Variants in HHIP observed in about 807,000 individuals in gnomAD.
HHIP encodes hedgehog-interacting protein.
Under a neutral mutation model 74.0 loss-of-function variants are expected in HHIP, and 12 were observed. That is an observed-to-expected ratio of 0.16 (90% confidence interval 0.10 to 0.26). The LOEUF is 0.26. Ranked by LOEUF, HHIP falls within the 10% of genes least tolerant of loss-of-function variation. The probability of loss-of-function intolerance (pLI) is 1.00; values close to 1 mark genes in which losing one functional copy is unlikely to be tolerated. For synonymous variants in HHIP, 309 were observed against 311.6 expected, an observed-to-expected ratio of 0.99 and a Z score of 0.09; for missense variants, 788 against 845.0, an observed-to-expected ratio of 0.93 and a Z score of 0.84.
chr4:144,739,258 C>T lies in HHIP; in HGVS notation c.*1301C>T, dbSNP rs1731206193. The T allele has an allele frequency of 6.6e-6, 1 of 152,162 alleles. No individual in the cohort carries two copies. Among genetic ancestry groups the T allele is most frequent in the Non-Finnish European group, 1.5e-5 (1 of 68,020 alleles). The allele number at this position is 152,162 out of a possible 1,614,324, so 9.4% of individuals were successfully genotyped here. A position where few individuals can be genotyped will look rare whatever the true frequency, so the allele number is the denominator to read the frequency against. ...AAAAAGTCTAGTAGATATTTTTCTT[C>T]ATGGTTTTCAAAGCCAGCTCTCCAC... On this transcript the variant is annotated 3_prime_UTR_variant, in exon 13 of 13. Coordinates refer to ENST00000296575, the MANE Select transcript of HHIP (RefSeq NM_022475.3).
intron 4 of HHIP, among the ~76,000 whole-genome samples, chr4:144,696,936 C>T (rs1211252205): frequency 6.6e-6 from 1 of 151,914 alleles, no homozygotes; most frequent in Non-Finnish European, 1.5e-5. Context: ...CTTCAAGAAG[C>T]TTACAGTCTA....
At chr4:144,725,173 G>A (rs774948834) in intron 11 of HHIP, among the ~76,000 whole-genome samples, 1 of 152,138 alleles carries the variant, frequency 6.6e-6, no homozygotes, top group Non-Finnish European at 1.5e-5. Context: ...CATTAGATAT[G>A]TCTGAAACAG....
chr4:144,661,278 G>A (rs1163029491), intron 4 of HHIP: 1 of 152,054 alleles, frequency 6.6e-6, no homozygotes, highest in African/African-American at 2.4e-5. Context: ...ACAGTACCTT[G>A]GTTCTGAGTA....
At chr4:144,718,783 G>T in intron 10 of HHIP, 92 bp from the exon 11 acceptor site, 1 of 777,944 alleles carries the variant, frequency 1.3e-6, no homozygotes, top group Non-Finnish European at 2.3e-6. Context: ...GATAGATGGA[G>T]ATAGATTGAC....
chr4:144,708,224 C>A lies in HHIP; in HGVS notation c.1214C>A (p.Pro405His), dbSNP rs1450189359. The A allele has an allele frequency of 6.2e-7, 1 of 1,614,146 alleles. No homozygotes were observed. Among genetic ancestry groups the A allele is most frequent in the Admixed American group, 1.7e-5 (1 of 60,030 alleles). The change falls in exon 7 of 13, where the codon CCT becomes CAT. Residue 405 changes from proline (P) to histidine (H), a missense_variant. This residue lies in a region of HHIP where 72 missense variants were observed against 130.6 expected (regional missense o/e 0.55). Transcript: ENST00000296575. ...LDVDTDMCNVPYSIPRSNPHF... is the reference protein window; with the variant it reads ...LDVDTDMCNVHYSIPRSNPHF... ...GTGGACACAGACATGTGCAACGTGC[C>A]TTATTCCATACCAAGGAGCAACCCA...
At position 144,714,257 on chromosome 4, in the gene HHIP, T is replaced by C. The variant is rs1578718508; in HGVS notation, c.1456T>C (p.Phe486Leu). The C allele has an allele frequency of 6.2e-7, 1 of 1,613,182 alleles. No individual in the cohort carries two copies. Among genetic ancestry groups the C allele is most frequent in the East Asian group, 2.2e-5 (1 of 44,844 alleles). Residue 486 changes from phenylalanine (F) to leucine (L), a missense_variant, in exon 9 of 13, where the codon TTC becomes CTC. This residue lies in a region of HHIP where 343 missense variants were observed against 347.9 expected (regional missense o/e 0.99). Transcript: ENST00000296575. ...SEPSLLEFKP[F>L]SNGPLVGGFV... The stretch of plus-strand genomic sequence containing the variant: ...GCCATCACTTTTAGAATTCAAGCCA[T>C]TCAGTAATGGTCCTTTGGTTGGTGG...
chr4:144,703,214 C>A (rs1488919340), intron 4 of HHIP, among the ~76,000 whole-genome samples: 29 of 143,230 alleles, frequency 2.0e-4, no homozygotes, highest in Non-Finnish European at 1.5e-4. Context: ...AACTCCATCT[C>A]AAAAAAAAAA....
intron 4 of HHIP, among the ~76,000 whole-genome samples, chr4:144,687,450 C>T (rs531158647): frequency 1.3e-5 from 2 of 152,284 alleles, no homozygotes; most frequent in South Asian, 4.1e-4. Flanking sequence ...TAGTACAGAG[C>T]TTAATGATGC....
chr4:144,737,849 A>G lies in HHIP; in HGVS notation c.1995A>G (p.Gln665=), dbSNP rs369374684. 8.7e-6 allele frequency: 14 copies of G among 1,613,842 alleles called. No homozygotes were observed. In the African/African-American group the frequency reaches 1.3e-4, roughly 15 times the overall value. ...GTAAAAAAGGATATCTTGGTCCTCA[A>G]TGTGAACAAGTGGACAGAAACATCC... ...CLCKKGYLGP[Q]CEQVDRNIRR... Residue 665 remains glutamine, a synonymous_variant, in exon 13 of 13, where the codon CAA becomes CAG. Coordinates refer to ENST00000296575, the MANE Select transcript of HHIP (RefSeq NM_022475.3).
At chr4:144,709,891 T>C (rs1381138327) in intron 7 of HHIP, among the ~76,000 whole-genome samples, 1 of 152,144 alleles carries the variant, frequency 6.6e-6, no homozygotes, top group Non-Finnish European at 1.5e-5. Flanking sequence ...TCATCCCCCA[T>C]AGAGAAACAT....
At chr4:144,720,835 T>C (rs1730610847) in intron 11 of HHIP, among the ~76,000 whole-genome samples, 1 of 152,170 alleles carries the variant, frequency 6.6e-6, no homozygotes, top group Non-Finnish European at 1.5e-5. Flanking sequence ...CCTCATGCTG[T>C]TTTGATTTGG....
At chr4:144,689,576 T>C (rs1469309459) in intron 4 of HHIP, among the ~76,000 whole-genome samples, 1 of 152,212 alleles carries the variant, frequency 6.6e-6, no homozygotes, top group Non-Finnish European at 1.5e-5. Context: ...TAATTACTTT[T>C]GATTTTTGCC....
intron 4 of HHIP, among the ~76,000 whole-genome samples, chr4:144,692,583 T>C (rs1729704272): frequency 6.6e-6 from 1 of 152,198 alleles, no homozygotes; most frequent in Non-Finnish European, 1.5e-5. Flanking sequence ...TAGTCTGAAT[T>C]AGATTCCCCC....
chr4:144,705,275 T>C (rs1393357138), intron 4 of HHIP, among the ~76,000 whole-genome samples: 2 of 152,232 alleles, frequency 1.3e-5, no homozygotes, highest in African/African-American at 4.8e-5. Context: ...CAAACAGTTC[T>C]ATGCTTTGCT....
Position 144,658,831 on chromosome 4 carries a change from G to T in HHIP, c.514G>T (p.Ala172Ser). Residue 172 changes from alanine to serine, a missense_variant, in exon 3 of 13, where the codon GCA becomes TCA. By Grantham distance (99) the Ala-to-Ser change is moderately conservative (BLOSUM62 1). Coordinates refer to ENST00000296575, the MANE Select transcript of HHIP (RefSeq NM_022475.3). ...TGCGGATGAGTTTTGCTTTTACTATGCAAGAAAAGATGGTGGGTTGTGCTT... is the reference window on the plus strand; with the variant it reads ...TGCGGATGAGTTTTGCTTTTACTATTCAAGAAAAGATGGTGGGTTGTGCTT... Reference protein sequence around the residue: ...TTADEFCFYYARKDGGLCFPD... With the variant: ...TTADEFCFYYSRKDGGLCFPD... 4 of 1,613,430 alleles carry T rather than the reference G, an allele frequency of 2.5e-6. No homozygotes were observed. The highest frequency in any genetic ancestry group is 3.4e-6 in the Non-Finnish European group (4 of 1,179,618).
rs1728968454 is a variant in HHIP at position 144,669,333 on chromosome 4, CT to C, written c.831+9498del. On this transcript the variant is annotated intron_variant, in intron 4 of 12. Transcript: ENST00000296575. The stretch of plus-strand genomic sequence containing the variant: ...AAAAGTTTTTTTCTAAATCACGTAA[CT>C]TTCTATCCAGCATGACCTGTGATAC... 2.0e-5 allele frequency among the ~76,000 whole-genome samples: 3 copies of C among 152,244 alleles called. No homozygotes were observed. The South Asian group carries it at 6.2e-4, about 32-fold the overall frequency.
intron 7 of HHIP, 81 bp from the exon 8 acceptor site, chr4:144,711,869 C>G: frequency 7.1e-7 from 1 of 1,414,678 alleles, no homozygotes; most frequent in South Asian, 1.3e-5. Context: ...ACAAAGGGCT[C>G]CTTCCTATGT....
rs569953855 is a variant in HHIP, at chr4:144,688,503, T to C, written c.832-18028T>C. ...ATAAGATTTTCCTATCTTGGATGAGTGGGAAGTTTAATTTTTCTGCAAAAA... is the reference window on the plus strand; with the variant it reads ...ATAAGATTTTCCTATCTTGGATGAGCGGGAAGTTTAATTTTTCTGCAAAAA... On this transcript the variant is annotated intron_variant, in intron 4 of 12. Coordinates refer to ENST00000296575, the MANE Select transcript of HHIP (RefSeq NM_022475.3). Among the ~76,000 whole-genome samples the C allele has an allele frequency of 5.3e-5, 8 of 152,088 alleles. 1 individual carries two copies. The South Asian group carries it at 1.7e-3, about 32-fold the overall frequency.
rs1420498974 is a variant in HHIP, at chr4:144,714,336, G to C, written c.1535G>C (p.Gly512Ala). Residue 512 changes from glycine (G) to alanine (A), a missense_variant, in exon 9 of 13, where the codon GGA becomes GCA. Transcript: ENST00000296575. ...AGATTGTATGGAAGCTACGTGTTTG[G>C]AGATCGTAATGGGTAGGTTTCCTGA... ...SERLYGSYVFGDRNGNFLTLQ... is the reference protein window; with the variant it reads ...SERLYGSYVFADRNGNFLTLQ... The C allele has an allele frequency of 5.6e-6, 9 of 1,613,396 alleles. No homozygotes were observed. The highest frequency in any genetic ancestry group is 6.8e-6 in the Non-Finnish European group (8 of 1,179,542).
Sources: gnomAD v4.1 joint callset for allele counts (sites outside exome capture counted in the v4.1 genomes callset) on GRCh38, gnomAD v4.1.1 for gene constraint, gnomAD v4.1.1 regional missense constraint, MANE v1.5 for transcripts, NCBI Gene and HGNC (gene_info 2026-07-23, HGNC 2026-07-21) for gene names.